The following HSPA12A variants were observed in gnomAD, a reference collection of about 807,000 sequenced individuals.
HSPA12A encodes heat shock protein family A (Hsp70) member 12A.
HSPA12A carries 28 observed loss-of-function variants against 69.2 expected under a neutral mutation model. That is an observed-to-expected ratio of 0.40 (90% CI 0.30 to 0.55). HSPA12A has a LOEUF of 0.55. Among genes scored for constraint, HSPA12A ranks in the 20% least tolerant of loss-of-function variants. The pLI is 0.38. For missense variants in HSPA12A, 686 were observed against 900.7 expected, an observed-to-expected ratio of 0.76 and a Z score of 3.05; for synonymous variants, 345 against 370.5, an observed-to-expected ratio of 0.93 and a Z score of 0.79.
At chr10:116,711,609 G>C (rs1314330020) in intron 1 of HSPA12A, among the ~76,000 whole-genome samples, 3 of 151,774 alleles carry the variant, frequency 2.0e-5, no homozygotes, top group East Asian at 1.9e-4. Context: ...ATAATACAGA[G>C]AGAGTCAATG....
intron 2 of HSPA12A, among the ~76,000 whole-genome samples, chr10:116,777,702 A>G (rs1564816663): frequency 1.3e-5 from 2 of 152,252 alleles, no homozygotes; most frequent in Non-Finnish European, 2.9e-5. Flanking sequence ...TAGTCAGATC[A>G]GATGCACAAA....
chr10:116,839,630 A>AAAAAAAAAAAAAG lies in HSPA12A; in HGVS notation c.4-4609_4-4608insCTTTTTTTTTTTT, dbSNP rs1564836902. ...AAAAAAAAAAAAAAAAAAAAAAAAA[A>AAAAAAAAAAAAAG]CCTAAAATCTCACCTACACATTTTG... On this transcript the variant is annotated intron_variant, in intron 1 of 12. Coordinates refer to the HSPA12A transcript ENST00000635765. Among the ~76,000 whole-genome samples, 2 of 146,856 alleles carry AAAAAAAAAAAAAG rather than the reference A, an allele frequency of 1.4e-5. 1 individual carries two copies. The highest frequency in any genetic ancestry group is 5.1e-5 in the African/African-American group (2 of 38,924).
intron 1 of HSPA12A, among the ~76,000 whole-genome samples, chr10:116,729,704 A>G (rs1851093304): frequency 6.6e-6 from 1 of 152,220 alleles, no homozygotes; most frequent in African/African-American, 2.4e-5. Context: ...ATTGAAAAAA[A>G]TCCATGGATA....
At chr10:116,770,324 GCAGA>G (rs1844172529) in intron 2 of HSPA12A, among the ~76,000 whole-genome samples, 1 of 152,116 alleles carries the variant, frequency 6.6e-6, no homozygotes, top group African/African-American at 2.4e-5. Flanking sequence ...AAGGCTTCCT[GCAGA>G]CCCGCCAGTA....
At chr10:116,773,209 A>C (rs1158295015) in intron 2 of HSPA12A, among the ~76,000 whole-genome samples, 1 of 152,242 alleles carries the variant, frequency 6.6e-6, no homozygotes, top group African/African-American at 2.4e-5. Flanking sequence ...AGGTGGGCCC[A>C]GGCATTTCCC....
chr10:116,715,510 T>C (rs1283006809), intron 1 of HSPA12A, among the ~76,000 whole-genome samples: 3 of 152,136 alleles, frequency 2.0e-5, no homozygotes, highest in Admixed American at 6.5e-5. Context: ...GACAAAACAA[T>C]AGCATTTCTG....
chr10:116,799,682 C>T (rs143509108), intron 2 of HSPA12A, among the ~76,000 whole-genome samples: 15 of 152,306 alleles, frequency 9.8e-5, no homozygotes, highest in Non-Finnish European at 1.8e-4. Context: ...AAGCCCACAC[C>T]GGCCCTGTGC....
At chr10:116,684,913 G>A (rs75079653) in intron 6 of HSPA12A, among the ~76,000 whole-genome samples, 6,351 of 152,116 alleles carry the variant, frequency 0.042, 191 homozygotes, top group Middle Eastern at 0.1. Context: ...CCCTTCTGAG[G>A]ATGCTCAGAG....
At chr10:116,787,366 A>G (rs2133146706) in intron 2 of HSPA12A, among the ~76,000 whole-genome samples, 1 of 151,512 alleles carries the variant, frequency 6.6e-6, no homozygotes, top group Non-Finnish European at 1.5e-5. Context: ...GCTCCTAATA[A>G]GCACAAGATT....
intron 7 of HSPA12A, chr10:116,683,439 C>T (rs1349702497): frequency 1.7e-5 from 3 of 172,634 alleles, no homozygotes; most frequent in African/African-American, 7.1e-5. Context: ...GAATTAATAA[C>T]AGGCAATGGA....
At chr10:116,825,061 G>A (rs1436910039) in intron 2 of HSPA12A, among the ~76,000 whole-genome samples, 1 of 151,792 alleles carries the variant, frequency 6.6e-6, no homozygotes, top group African/African-American at 2.4e-5. Flanking sequence ...GGTGGTGCAC[G>A]CCTGTAGTCC....
chr10:116,701,424 A>G (rs1214529006), intron 3 of HSPA12A, among the ~76,000 whole-genome samples: 2 of 152,224 alleles, frequency 1.3e-5, no homozygotes, highest in East Asian at 3.9e-4. Flanking sequence ...TGAAACTTTT[A>G]TGTCTGTGTC....
At chr10:116,763,471 C>T (rs555587305) in intron 2 of HSPA12A, among the ~76,000 whole-genome samples, 1 of 152,246 alleles carries the variant, frequency 6.6e-6, no homozygotes, top group African/African-American at 2.4e-5. Flanking sequence ...CTGCAGACCT[C>T]TTTCTTCTGC....
At chr10:116,848,034 C>T (rs1392566544) in intron 1 of HSPA12A, among the ~76,000 whole-genome samples, 1 of 152,182 alleles carries the variant, frequency 6.6e-6, no homozygotes, top group East Asian at 1.9e-4. Context: ...AGGTGCCTTT[C>T]TTCCAGGGGT....
intron 1 of HSPA12A, among the ~76,000 whole-genome samples, chr10:116,741,656 C>T (rs1554887174): frequency 2.6e-5 from 4 of 152,184 alleles, no homozygotes; most frequent in Non-Finnish European, 5.9e-5. Context: ...TTCCCGCAAC[C>T]CCCTTCCCCG....
chr10:116,683,356 C>G (rs1223511856), intron 7 of HSPA12A: 1 of 153,356 alleles, frequency 6.5e-6, no homozygotes, highest in African/African-American at 2.4e-5. Flanking sequence ...CCGGTTTCAT[C>G]TGCATTTTAA....
At chr10:116,796,165 A>C (rs1347997047) in intron 2 of HSPA12A, among the ~76,000 whole-genome samples, 2 of 137,626 alleles carry the variant, frequency 1.5e-5, no homozygotes, top group African/African-American at 2.7e-5. Flanking sequence ...AAAAAAAAAA[A>C]AGAAAGAAAG....
chr10:116,796,730 G>C (rs1844834710), intron 2 of HSPA12A, among the ~76,000 whole-genome samples: 1 of 152,120 alleles, frequency 6.6e-6, no homozygotes, highest in Admixed American at 6.5e-5. Context: ...GTGCCTCCCA[G>C]AGCCTGAGCC....
At chr10:116,699,340 A>G (rs79796668) in intron 4 of HSPA12A, among the ~76,000 whole-genome samples, 102 of 152,264 alleles carry the variant, frequency 6.7e-4, no homozygotes, top group African/African-American at 2.3e-3. Context: ...GGTCCCAGAG[A>G]GAGGATGCTC....
Sources: allele counts gnomAD v4.1 joint callset (sites outside exome capture counted in the v4.1 genomes callset), GRCh38; gene constraint gnomAD v4.1.1; transcripts MANE v1.5; gene names NCBI Gene and HGNC (gene_info 2026-07-23, HGNC 2026-07-21).